Variants in DST observed in about 807,000 individuals in gnomAD.
DST encodes bullous pemphigoid antigen.
DST carries 253 observed loss-of-function variants against 875.2 expected under a neutral mutation model. The ratio of observed to expected loss-of-function variants is 0.29; its 90% confidence interval spans 0.26 to 0.32. The LOEUF (loss-of-function observed/expected upper bound fraction) is 0.32. Among genes scored for constraint, DST ranks in the 10% least tolerant of loss-of-function variants. The pLI, the probability that DST is intolerant of heterozygous loss-of-function variation, is 1.00. For missense variants in DST, 8,287 were observed against 9,111.6 expected, an observed-to-expected ratio of 0.91 and a Z score of 3.68; for synonymous variants, 3,124 against 3,197.1, an observed-to-expected ratio of 0.98 and a Z score of 0.77.
At chr6:56,507,244 G>C (rs1372996516) in intron 75 of DST, among the ~76,000 whole-genome samples, 2 of 152,170 alleles carry the variant, frequency 1.3e-5, no homozygotes, top group East Asian at 3.9e-4. Context: ...GACCAGGTAG[G>C]ACCTGTAAGG....
At chr6:56,616,184 G>GT in intron 36 of DST, 2 of 1,614,222 alleles carry the variant, frequency 1.2e-6, no homozygotes, top group Non-Finnish European at 1.7e-6. Flanking sequence ...AGCAAGTTCT[G>GT]TAAGTGTGAT....
At chr6:56,706,330 G>A (rs1388289085) in intron 5 of DST, among the ~76,000 whole-genome samples, 2 of 148,028 alleles carry the variant, frequency 1.4e-5, no homozygotes, top group African/African-American at 5.1e-5. Context: ...AAAAAAGAAA[G>A]AAAGAAAGAA....
chr6:56,771,850 G>A (rs553157054), intron 4 of DST, among the ~76,000 whole-genome samples: 22 of 152,220 alleles, frequency 1.4e-4, no homozygotes, highest in African/African-American at 4.6e-4. Context: ...GAAAGTAACC[G>A]ACCTTTTACC....
intron 60 of DST, among the ~76,000 whole-genome samples, chr6:56,554,885 T>C (rs1197917943): frequency 3.3e-4 from 50 of 152,218 alleles, no homozygotes; most frequent in Admixed American, 3.2e-3. Flanking sequence ...TGCCACAGAA[T>C]TATAGCCACA....
chr6:56,869,661 T>G (rs1776025540), intron 3 of DST, among the ~76,000 whole-genome samples: 1 of 151,960 alleles, frequency 6.6e-6, no homozygotes, highest in South Asian at 2.1e-4. Context: ...TCACACAATC[T>G]ATGCAGTATG....
At position 56,725,926 on chromosome 6, in the gene DST, T is replaced by C. The variant is rs575673099; in HGVS notation, c.687+9302A>G. ...ACCTAGTGGATTTTCCAGGAGAGTT[T>C]TTTTTTTAATCACAAACAAGATTAC... On this transcript the variant is annotated intron_variant, in intron 5 of 103. Coordinates refer to ENST00000680361, the MANE Select transcript of DST (RefSeq NM_001374736.1). Among the ~76,000 whole-genome samples, 10 of 152,318 alleles carry C rather than the reference T, an allele frequency of 6.6e-5. No homozygotes were observed. The South Asian group carries it at 1.9e-3, about 28-fold the overall frequency.
chr6:56,837,613 C>G (rs1369793894), intron 4 of DST, among the ~76,000 whole-genome samples: 1 of 152,094 alleles, frequency 6.6e-6, no homozygotes, highest in East Asian at 1.9e-4. Context: ...ACAGCATAAC[C>G]CTCCATCATT....
At chr6:56,913,543 A>G (rs1210258970) in intron 2 of DST, among the ~76,000 whole-genome samples, 1 of 152,236 alleles carries the variant, frequency 6.6e-6, no homozygotes, top group Non-Finnish European at 1.5e-5. Context: ...AGAGTTAAGT[A>G]GCTGCAACAG....
chr6:56,557,561 T>C (rs762056545), intron 58 of DST, 43 bp from the exon 59 acceptor site: 10 of 1,465,462 alleles, frequency 6.8e-6, no homozygotes, highest in African/African-American at 1.4e-5. Flanking sequence ...ATTTTTTGCA[T>C]TTAACATGAC....
chr6:56,497,672 G>C (rs2095966406), intron 81 of DST, 165 bp from the exon 82 acceptor site: 8 of 974,216 alleles, frequency 8.2e-6, no homozygotes, highest in Non-Finnish European at 1.2e-5. Context: ...TAGTAGATAA[G>C]AGTATTATGC....
intron 2 of DST, among the ~76,000 whole-genome samples, chr6:56,941,955 G>A (rs560156991): frequency 5.9e-5 from 9 of 152,174 alleles, no homozygotes; most frequent in South Asian, 4.2e-4. Flanking sequence ...GTCTAATTCC[G>A]CCTTTACTTT....
chr6:56,910,466 ATTTAT>A (rs141557334), intron 2 of DST, among the ~76,000 whole-genome samples: 43 of 151,356 alleles, frequency 2.8e-4, no homozygotes, highest in African/African-American at 4.4e-4. Flanking sequence ...TGAATTGTAC[ATTTAT>A]TTTATTTTAT....
At chr6:56,722,362 A>ATGTC (rs2099420991) in intron 5 of DST, among the ~76,000 whole-genome samples, 1 of 146,380 alleles carries the variant, frequency 6.8e-6, no homozygotes, top group African/African-American at 2.7e-5. Context: ...AAAGTAGTAC[A>ATGTC]TGTTTGTTTA....
chr6:56,476,344 G>C lies in DST; in HGVS notation c.21676-7C>G, dbSNP rs1188711766. 3.9e-6 allele frequency: 6 copies of C among 1,542,244 alleles called. No individual in the cohort carries two copies. In the African/African-American group the frequency reaches 5.5e-5, roughly 14 times the overall value. Reference sequence around the variant, plus strand: ...GCTTTGCCCAGGCCAGCACCTGTCAGAGAAACAGAAATTTCTCTGAATTTC... The same window carrying C: ...GCTTTGCCCAGGCCAGCACCTGTCACAGAAACAGAAATTTCTCTGAATTTC... On this transcript the variant is annotated splice_polypyrimidine_tract_variant and splice_region_variant and intron_variant, in intron 91 of 103. Transcript: ENST00000680361.
At chr6:56,592,973 T>C (rs942791513) in intron 48 of DST, among the ~76,000 whole-genome samples, 1 of 151,830 alleles carries the variant, frequency 6.6e-6, no homozygotes, top group Admixed American at 6.6e-5. Flanking sequence ...AACATACTGA[T>C]CAAATATACA....
chr6:56,469,996 A>G, intron 96 of DST, 39 bp from the exon 97 acceptor site: 2 of 1,608,378 alleles, frequency 1.2e-6, no homozygotes, highest in South Asian at 1.1e-5. Flanking sequence ...TTTAATGTCA[A>G]TATTACATAG....
In DST at chr6:56,606,500, G is replaced by C; in HGVS notation, c.8128C>G (p.Pro2710Ala). Residue 2710 changes from proline to alanine, a missense_variant, in exon 40 of 104, where the codon CCT becomes GCT. Coordinates refer to ENST00000680361, the MANE Select transcript of DST (RefSeq NM_001374736.1). The part of the protein sequence containing the change: ...LDSGEKIHLN[P>A]VGSDKVNGQS... ...CCATTCACCTTATCTGAGCCAACAG[G>C]ATTTAAATGTATTTTTTCACCAGAA... The C allele has an allele frequency of 6.2e-7, 1 of 1,613,202 alleles. No individual in the cohort carries two copies. Among genetic ancestry groups the C allele is most frequent in the Non-Finnish European group, 8.5e-7 (1 of 1,179,448 alleles).
At chr6:56,873,286 T>G (rs1362833705) in intron 3 of DST, among the ~76,000 whole-genome samples, 1 of 152,196 alleles carries the variant, frequency 6.6e-6, no homozygotes, top group Non-Finnish European at 1.5e-5. Flanking sequence ...TTTTTCCCAT[T>G]CTGTGGGCTG....
At chr6:56,536,553 G>A (rs922273791) in intron 62 of DST, among the ~76,000 whole-genome samples, 3 of 152,136 alleles carry the variant, frequency 2.0e-5, no homozygotes, top group Non-Finnish European at 2.9e-5. Flanking sequence ...GATTAAAGGC[G>A]AGATAACAGC....
Sources: gnomAD v4.1 joint callset for allele counts (sites outside exome capture counted in the v4.1 genomes callset) on GRCh38, gnomAD v4.1.1 for gene constraint, MANE v1.5 for transcripts, NCBI Gene and HGNC (gene_info 2026-07-23, HGNC 2026-07-21) for gene names.